Variants in CNTNAP2 observed in about 807,000 individuals in gnomAD.
CNTNAP2 encodes the protein contactin-associated protein-like 2.
Under a neutral mutation model 155.2 loss-of-function variants are expected in CNTNAP2, and 98 were observed. The observed-to-expected ratio is 0.63, with a 90% CI of 0.54 to 0.75. The LOEUF (loss-of-function observed/expected upper bound fraction) is 0.75, where lower values mean the gene tolerates loss of function less well. Ranked by LOEUF, CNTNAP2 falls within the 30% of genes least tolerant of loss-of-function variation. The pLI is 0.00. For missense variants in CNTNAP2, 1,727 were observed against 1,688.1 expected (o/e 1.02, Z -0.40); for synonymous variants, 651 against 631.2 (o/e 1.03, Z -0.47).
rs187297486 is a variant in CNTNAP2, at chr7:147,547,897, T to C, written c.1778-14241T>C. Among the ~76,000 whole-genome samples the C allele has an allele frequency of 2.9e-3, 436 of 152,290 alleles. 1 individual carries two copies. The highest frequency in any genetic ancestry group is 1.0e-2 in the African/African-American group (415 of 41,570). On this transcript the variant is annotated intron_variant, in intron 11 of 23. Coordinates refer to ENST00000361727, the MANE Select transcript of CNTNAP2 (RefSeq NM_014141.6). ...TCCTGTGTTAGTTTGCTAAGGATGA[T>C]GGCTTCCAGCTTCATCTATGTCCCT...
intron 15 of CNTNAP2, among the ~76,000 whole-genome samples, chr7:148,007,102 C>T (rs1801996398): frequency 6.6e-6 from 1 of 152,168 alleles, no homozygotes; most frequent in Non-Finnish European, 1.5e-5. Context: ...TGGCACCAGC[C>T]ACATGCAGTA....
intron 14 of CNTNAP2, among the ~76,000 whole-genome samples, chr7:147,932,109 C>G (rs1384772596): frequency 1.3e-5 from 2 of 152,116 alleles, no homozygotes; most frequent in Non-Finnish European, 2.9e-5. Flanking sequence ...TGATCTCAAA[C>G]TCCTGGGCTC....
chr7:147,057,596 C>T (rs1270103500), intron 4 of CNTNAP2, among the ~76,000 whole-genome samples: 1 of 152,132 alleles, frequency 6.6e-6, no homozygotes, highest in African/African-American at 2.4e-5. Flanking sequence ...TCCCTGGCTT[C>T]TACCCATTCA....
At chr7:147,686,442 A>T (rs770892198) in intron 13 of CNTNAP2, among the ~76,000 whole-genome samples, 1 of 152,074 alleles carries the variant, frequency 6.6e-6, no homozygotes, top group Non-Finnish European at 1.5e-5. Context: ...AGATGATTGC[A>T]TATCTAAGTT....
Position 147,894,955 on chromosome 7 carries a change from TTCTTTCTTTC to T in CNTNAP2, c.2099-8608_2099-8599del, listed in dbSNP as rs1209575576. Reference sequence around the variant, plus strand: ...GGTTTCTTTTTCTTTCTTTCTTTCTTTCTTTCTTTCTTTTTTTTTTTTTTTTTTTTTTTGA... The same window carrying T: ...GGTTTCTTTTTCTTTCTTTCTTTCTTTTTTTTTTTTTTTTTTTTTTTTTGA... On this transcript the variant is annotated intron_variant, in intron 13 of 23. Transcript: ENST00000361727. 3.3e-3 allele frequency among the ~76,000 whole-genome samples: 292 copies of T among 87,234 alleles called. 3 individuals carry two copies. Among genetic ancestry groups the T allele is most frequent in the African/African-American group, 0.017 (247 of 14,158 alleles). The allele number at this position is 87,234 out of a possible 152,430, so 57.2% of individuals were successfully genotyped here.
At chr7:147,738,128 C>T (rs764886787) in intron 13 of CNTNAP2, among the ~76,000 whole-genome samples, 1 of 152,174 alleles carries the variant, frequency 6.6e-6, no homozygotes, top group Admixed American at 6.5e-5. Context: ...GAGCTGTAGA[C>T]TGGAGCTGTT....
At chr7:148,136,316 G>C (rs550200740) in intron 16 of CNTNAP2, among the ~76,000 whole-genome samples, 2 of 151,990 alleles carry the variant, frequency 1.3e-5, no homozygotes, top group Admixed American at 6.6e-5. Context: ...TCATGGGGGC[G>C]GATCCTTCAT....
At chr7:146,619,055 CAA>C (rs1489612541) in intron 1 of CNTNAP2, among the ~76,000 whole-genome samples, 6 of 140,642 alleles carry the variant, frequency 4.3e-5, no homozygotes, top group Non-Finnish European at 7.6e-5. Context: ...GCCTGGAGGA[CAA>C]GAGTGAGACT....
chr7:146,937,512 G>A (rs1796944563), intron 3 of CNTNAP2, among the ~76,000 whole-genome samples: 1 of 152,110 alleles, frequency 6.6e-6, no homozygotes, highest in Non-Finnish European at 1.5e-5. Flanking sequence ...AGGAAACCTT[G>A]CTATGGGTAG....
chr7:147,282,259 A>T (rs1805055771), intron 8 of CNTNAP2, among the ~76,000 whole-genome samples: 1 of 151,902 alleles, frequency 6.6e-6, no homozygotes, highest in Admixed American at 6.6e-5. Context: ...TAATCCATAT[A>T]AATCAGGTGT....
intron 9 of CNTNAP2, among the ~76,000 whole-genome samples, chr7:147,373,027 A>G (rs1369994777): frequency 6.6e-6 from 1 of 152,064 alleles, no homozygotes; most frequent in Non-Finnish European, 1.5e-5. Context: ...TTAAAATCTA[A>G]CTGATCGTAC....
intron 1 of CNTNAP2, among the ~76,000 whole-genome samples, chr7:146,612,840 C>A (rs898061963): frequency 1.3e-5 from 2 of 151,782 alleles, no homozygotes; most frequent in Non-Finnish European, 2.9e-5. Context: ...TGATGTTGCT[C>A]CATCAGCTCA....
At chr7:148,090,182 G>T (rs1803811666) in intron 15 of CNTNAP2, among the ~76,000 whole-genome samples, 1 of 152,024 alleles carries the variant, frequency 6.6e-6, no homozygotes, top group Non-Finnish European at 1.5e-5. Context: ...AATGCTCTAT[G>T]ATACTGGTCT....
intron 1 of CNTNAP2, among the ~76,000 whole-genome samples, chr7:146,628,116 A>G (rs1317848820): frequency 6.6e-6 from 1 of 152,180 alleles, no homozygotes; most frequent in African/African-American, 2.4e-5. Context: ...ATCTTTTTCC[A>G]CTTCCTTTAA....
At chr7:148,287,243 T>A (rs79347190) in intron 21 of CNTNAP2, among the ~76,000 whole-genome samples, 1 of 152,264 alleles carries the variant, frequency 6.6e-6, no homozygotes, top group Non-Finnish European at 1.5e-5. Context: ...CTTCAGGTCA[T>A]GGCTTGATAG....
intron 14 of CNTNAP2, among the ~76,000 whole-genome samples, chr7:147,907,289 C>G (rs1162776138): frequency 6.6e-6 from 1 of 152,124 alleles, no homozygotes; most frequent in Non-Finnish European, 1.5e-5. Flanking sequence ...ATCTCCTGAC[C>G]TCGTGATCTG....
intron 9 of CNTNAP2, among the ~76,000 whole-genome samples, chr7:147,363,006 A>T: frequency 6.6e-6 from 1 of 152,202 alleles, no homozygotes; most frequent in East Asian, 1.9e-4. Flanking sequence ...ATTTATACTG[A>T]TCCATGAATT....
At chr7:146,426,701 G>A (rs1444094047) in intron 1 of CNTNAP2, among the ~76,000 whole-genome samples, 1 of 151,314 alleles carries the variant, frequency 6.6e-6, no homozygotes, top group Non-Finnish European at 1.5e-5. Flanking sequence ...GGCTGGGGAG[G>A]TGGAGATATT....
intron 15 of CNTNAP2, among the ~76,000 whole-genome samples, chr7:147,997,323 G>A (rs996835931): frequency 6.6e-6 from 1 of 152,150 alleles, no homozygotes; most frequent in African/African-American, 2.4e-5. Context: ...GGAGGCCGAG[G>A]CGGGTGGATG....
Sources: allele counts gnomAD v4.1 joint callset (sites outside exome capture counted in the v4.1 genomes callset), GRCh38; gene constraint gnomAD v4.1.1; transcripts MANE v1.5; gene names NCBI Gene and HGNC (gene_info 2026-07-23, HGNC 2026-07-21).